HNRNPUL2: variants seen among roughly 807,000 people sequenced by gnomAD.
HNRNPUL2 encodes the protein heterogeneous nuclear ribonucleoprotein U like 2.
A neutral mutation model predicts 102.2 loss-of-function variants in HNRNPUL2; 27 were observed. That is an observed-to-expected ratio of 0.26 (90% CI 0.19 to 0.36). HNRNPUL2 has a LOEUF of 0.36. Ranked by LOEUF, HNRNPUL2 falls within the 10% of genes least tolerant of loss-of-function variation. HNRNPUL2 has a pLI of 1.00. For missense variants in HNRNPUL2, 936 were observed against 981.1 expected (o/e 0.95, Z 0.61); for synonymous variants, 458 against 387.2 (o/e 1.18, Z -2.15).
At chr11:62,723,346 C>T (rs2083718611) in intron 4 of HNRNPUL2, among the ~76,000 whole-genome samples, 1 of 152,118 alleles carries the variant, frequency 6.6e-6, no homozygotes, top group Non-Finnish European at 1.5e-5. Flanking sequence ...ACAAAATTAG[C>T]CAGGTGTGGT....
intron 9 of HNRNPUL2, among the ~76,000 whole-genome samples, chr11:62,720,583 G>C (rs567241747): frequency 1.0e-4 from 15 of 143,148 alleles, no homozygotes; most frequent in African/African-American, 3.1e-4. Context: ...AAGGCCGGGC[G>C]TGACAGCTCA....
chr11:62,723,034 C>A (rs2083715891), intron 4 of HNRNPUL2, 131 bp from the exon 5 acceptor site: 2 of 683,218 alleles, frequency 2.9e-6, no homozygotes, highest in Non-Finnish European at 2.5e-6. Flanking sequence ...ATAACAATCA[C>A]TGAACTTAAA....
chr11:62,716,049 C>T lies in HNRNPUL2; in HGVS notation c.1982-112G>A, dbSNP rs1424809357. On this transcript the variant is annotated intron_variant, in intron 11 of 13. Transcript: ENST00000301785. Reference sequence around the variant, plus strand: ...AGGCAATTCTGGGGGAATATGAGGCCTGCTTCGGCCAGGCTCACACATGTT... The same window carrying T: ...AGGCAATTCTGGGGGAATATGAGGCTTGCTTCGGCCAGGCTCACACATGTT... 4 of 737,098 alleles carry T rather than the reference C, an allele frequency of 5.4e-6. No individual in the cohort carries two copies. The Admixed American group carries it at 9.4e-5, about 17-fold the overall frequency. The allele number at this position is 737,098 out of a possible 1,614,324, so 45.7% of individuals were successfully genotyped here. A position where few individuals can be genotyped will look rare whatever the true frequency, so the allele number is the denominator to read the frequency against.
In HNRNPUL2 at chr11:62,714,084, C is replaced by T. The variant is rs919109989; in HGVS notation, c.*1215G>A. 1 of 152,092 alleles carries T rather than the reference C, an allele frequency of 6.6e-6. No homozygotes were observed. The highest frequency in any genetic ancestry group is 1.5e-5 in the Non-Finnish European group (1 of 68,040). 9.4% of individuals were successfully genotyped at this position (152,092 alleles called of 1,614,324 possible). On this transcript the variant is annotated 3_prime_UTR_variant, in exon 14 of 14. Transcript: ENST00000301785. ...TCCCTTTCACACGCACATTTACACA[C>T]GTTCACACTCACACTCTTCCCAAGG... is the stretch of plus-strand genomic sequence containing the variant.
intron 8 of HNRNPUL2, 50 bp downstream of exon 8, chr11:62,721,770 T>TATA (rs1491334886): frequency 1.3e-6 from 2 of 1,595,288 alleles, no homozygotes; most frequent in Non-Finnish European, 1.7e-6. Flanking sequence ...AAAGATAGGT[T>TATA]ATAAGAGTCT....
rs2083702985 is a variant in HNRNPUL2 at position 62,721,524 on chromosome 11, G to C, written c.1483-101C>G. The C allele has an allele frequency of 5.5e-6, 6 of 1,094,890 alleles. No individual in the cohort carries two copies. The East Asian group carries it at 1.4e-4, about 26-fold the overall frequency. 67.8% of individuals were successfully genotyped at this position (1,094,890 alleles called of 1,614,324 possible). On this transcript the variant is annotated intron_variant, in intron 8 of 13. Transcript: ENST00000301785. ...GGTAAATGTCACCTCTTCAAATACT[G>C]AATCTATGATATCACTCTATTCCCA...
chr11:62,722,945 C>G, intron 4 of HNRNPUL2, 42 bp from the exon 5 acceptor site: 1 of 1,490,098 alleles, frequency 6.7e-7, no homozygotes, highest in Non-Finnish European at 9.3e-7. Context: ...TTGTGACCAA[C>G]TGAGTAGCAA....
In HNRNPUL2 at chr11:62,715,518, G is replaced by GACA. The variant is rs1565159153; in HGVS notation, c.2144_2145insTGT (p.Tyr715_Arg716insVal). The GACA allele has an allele frequency of 6.2e-7, 1 of 1,611,200 alleles. No individual in the cohort carries two copies. The highest frequency in any genetic ancestry group is 1.3e-5 in the African/African-American group (1 of 74,848). ...TACTCACATCCCGATTGTATTGTCT[G>GACA]TAATAGTCTCTGTATCTGTTGTACT... is the stretch of plus-strand genomic sequence containing the variant. On this transcript the variant is annotated inframe_insertion, in exon 13 of 14. Transcript: ENST00000301785.
At chr11:62,716,912 C>T in intron 11 of HNRNPUL2, 77 bp downstream of exon 11, 1 of 1,512,696 alleles carries the variant, frequency 6.6e-7, no homozygotes, top group South Asian at 1.1e-5. Flanking sequence ...GTTTCCTTGG[C>T]CTTCCCTTGC....
At chr11:62,723,546 GTAATAAAT>G (rs2083720517) in intron 4 of HNRNPUL2, 33 bp downstream of exon 4, 1 of 1,543,992 alleles carries the variant, frequency 6.5e-7, no homozygotes. Context: ...TAAGCATCCA[GTAATAAAT>G]GAATGAATGA....
At chr11:62,723,783 C>T in intron 3 of HNRNPUL2, 57 bp from the exon 4 acceptor site, 8 of 1,611,354 alleles carry the variant, frequency 5.0e-6, no homozygotes, top group Non-Finnish European at 6.8e-6. Flanking sequence ...AAGCCGCCAA[C>T]AGAGCATAAG....
intron 11 of HNRNPUL2, among the ~76,000 whole-genome samples, chr11:62,716,501 G>T (rs970168091): frequency 3.3e-5 from 5 of 152,254 alleles, no homozygotes; most frequent in African/African-American, 1.2e-4. Context: ...CATTCAGGGG[G>T]AAAATTAATT....
chr11:62,727,280 G>A lies in HNRNPUL2; in HGVS notation c.-124C>T, dbSNP rs1248101362. Reference sequence around the variant, plus strand: ...TCACGCGCCAGCACTGAGCCCGCGCGAGCGAGCGCACGCACGCAGGAGCGG... The same window carrying A: ...TCACGCGCCAGCACTGAGCCCGCGCAAGCGAGCGCACGCACGCAGGAGCGG... On this transcript the variant is annotated 5_prime_UTR_variant, in exon 1 of 14. Coordinates refer to ENST00000301785, the MANE Select transcript of HNRNPUL2 (RefSeq NM_001079559.3). 2.5e-6 allele frequency: 3 copies of A among 1,182,358 alleles called. No individual in the cohort carries two copies. Among genetic ancestry groups the A allele is most frequent in the Non-Finnish European group, 3.2e-6 (3 of 947,390 alleles). The allele number at this position is 1,182,358 out of a possible 1,614,324, so 73.2% of individuals were successfully genotyped here.
chr11:62,722,032 T>C (rs1023874358), intron 7 of HNRNPUL2, 85 bp downstream of exon 7: 2 of 1,603,486 alleles, frequency 1.2e-6, no homozygotes, highest in Admixed American at 3.4e-5. Flanking sequence ...CATTCCTGTT[T>C]GGTAACGCTC....
chr11:62,723,808 T>C (rs543624423), intron 3 of HNRNPUL2, 82 bp from the exon 4 acceptor site: 27 of 1,601,468 alleles, frequency 1.7e-5, no homozygotes, highest in East Asian at 2.2e-5. Flanking sequence ...CCAGTTGTTG[T>C]AGTGGATACA....
chr11:62,726,382 C>T (rs1369570976), intron 1 of HNRNPUL2, among the ~76,000 whole-genome samples: 2 of 152,254 alleles, frequency 1.3e-5, no homozygotes, highest in Non-Finnish European at 2.9e-5. Flanking sequence ...AAATCACTCA[C>T]TGCCATCCAC....
In HNRNPUL2 at chr11:62,726,663, G is replaced by A. The variant is rs367702047; in HGVS notation, c.494C>T (p.Thr165Met). 6.3e-6 allele frequency: 10 copies of A among 1,598,886 alleles called. No individual in the cohort carries two copies. In the African/African-American group the frequency reaches 9.3e-5, roughly 15 times the overall value. Residue 165 changes from threonine (T) to methionine (M), a missense_variant, in exon 1 of 14, where the codon ACG becomes ATG. This residue lies in a region of HNRNPUL2 where 327 missense variants were observed against 268.1 expected (regional missense o/e 1.22). Transcript: ENST00000301785. ...DEPEERSGDE[T>M]PGSEVPGDKA... ...GTCACCCGGCACCTCGGATCCCGGCGTCTCGTCCCCGCTCCGCTCCTCGGG... is the reference window on the plus strand; with the variant it reads ...GTCACCCGGCACCTCGGATCCCGGCATCTCGTCCCCGCTCCGCTCCTCGGG...
intron 10 of HNRNPUL2, among the ~76,000 whole-genome samples, chr11:62,718,272 C>G (rs2083674937): frequency 6.6e-6 from 1 of 152,156 alleles, no homozygotes; most frequent in East Asian, 1.9e-4. Context: ...AGACATTACT[C>G]TCTGTCTTAT....
Position 62,724,005 on chromosome 11 carries a change from T to G in HNRNPUL2, c.675-15A>C. On this transcript the variant is annotated splice_polypyrimidine_tract_variant and intron_variant, in intron 2 of 13. Transcript: ENST00000301785. ...GAGACTTTGAGCTATATATGTAAGA[T>G]AGAAAAGAAACACAATGTAAACAAA... The G allele has an allele frequency of 6.2e-7, 1 of 1,602,054 alleles. No homozygotes were observed. The highest frequency in any genetic ancestry group is 8.6e-7 in the Non-Finnish European group (1 of 1,169,530).
Sources: allele counts gnomAD v4.1 joint callset (sites outside exome capture counted in the v4.1 genomes callset), GRCh38; gene constraint gnomAD v4.1.1; regional missense constraint gnomAD v4.1.1; transcripts MANE v1.5; gene names NCBI Gene and HGNC (gene_info 2026-07-23, HGNC 2026-07-21).